Variants in NOS1AP observed in about 807,000 individuals in gnomAD.
NOS1AP encodes the protein nitric oxide synthase 1 adaptor protein.
In NOS1AP, 21 loss-of-function variants were observed where a neutral mutation model predicts 56.2. The ratio of observed to expected loss-of-function variants is 0.37; its 90% confidence interval spans 0.26 to 0.54. The LOEUF (loss-of-function observed/expected upper bound fraction) is 0.54, where lower values mean the gene tolerates loss of function less well. NOS1AP is among the 20% of genes least tolerant of loss of function. The pLI is 0.84. For missense variants in NOS1AP, 522 were observed against 657.8 expected, an observed-to-expected ratio of 0.79 and a Z score of 2.26; for synonymous variants, 270 against 274.6, an observed-to-expected ratio of 0.98 and a Z score of 0.17.
intron 1 of NOS1AP, among the ~76,000 whole-genome samples, chr1:162,098,695 G>T (rs970623184): frequency 6.6e-6 from 1 of 152,048 alleles, no homozygotes; most frequent in Admixed American, 6.5e-5. Context: ...CCTAGTGTGT[G>T]TTTTTCCCCA....
chr1:162,310,722 C>G (rs1655994697), intron 4 of NOS1AP, among the ~76,000 whole-genome samples: 1 of 152,184 alleles, frequency 6.6e-6, no homozygotes, highest in Non-Finnish European at 1.5e-5. Flanking sequence ...CTTATTCATC[C>G]TGGTAGATGA....
chr1:162,213,191 T>C (rs1010573709), intron 2 of NOS1AP, among the ~76,000 whole-genome samples: 20 of 152,184 alleles, frequency 1.3e-4, no homozygotes, highest in Non-Finnish European at 2.9e-5. Flanking sequence ...GAAATGAACG[T>C]ATGAGCATGA....
At chr1:162,312,079 G>A (rs1464069903) in intron 4 of NOS1AP, among the ~76,000 whole-genome samples, 8 of 150,456 alleles carry the variant, frequency 5.3e-5, no homozygotes, top group South Asian at 2.1e-4. Flanking sequence ...ATGATTTATA[G>A]TCCTTTGGGT....
chr1:162,339,049 G>A (rs1028884915), intron 5 of NOS1AP, among the ~76,000 whole-genome samples: 1 of 152,172 alleles, frequency 6.6e-6, no homozygotes, highest in Non-Finnish European at 1.5e-5. Context: ...GAAAAGATGG[G>A]TGGTTTGAAG....
chr1:162,131,998 A>T (rs1648771947), intron 1 of NOS1AP, among the ~76,000 whole-genome samples: 1 of 152,202 alleles, frequency 6.6e-6, no homozygotes, highest in African/African-American at 2.4e-5. Flanking sequence ...ATACTTTGAA[A>T]CTGTAAACTG....
chr1:162,082,127 C>T (rs1427897551), intron 1 of NOS1AP, among the ~76,000 whole-genome samples: 1 of 151,944 alleles, frequency 6.6e-6, no homozygotes, highest in African/African-American at 2.4e-5. Context: ...TGTGGTGTTC[C>T]CCTCTATGTG....
At chr1:162,076,984 C>G (rs1439351866) in intron 1 of NOS1AP, among the ~76,000 whole-genome samples, 1 of 152,138 alleles carries the variant, frequency 6.6e-6, no homozygotes, top group Non-Finnish European at 1.5e-5. Flanking sequence ...TTTGTTCATT[C>G]ATCAGCTGAG....
At chr1:162,242,550 C>G (rs1571155006) in intron 2 of NOS1AP, among the ~76,000 whole-genome samples, 1 of 152,164 alleles carries the variant, frequency 6.6e-6, no homozygotes, top group Non-Finnish European at 1.5e-5. Flanking sequence ...GACGTCCAGA[C>G]CCATCAAAAT....
Position 162,369,307 on chromosome 1 carries a change from A to T in NOS1AP, c.*1840A>T, listed in dbSNP as rs1382043983. On this transcript the variant is annotated 3_prime_UTR_variant, in exon 10 of 10. Coordinates refer to ENST00000361897, the MANE Select transcript of NOS1AP (RefSeq NM_014697.3). ...AATAGGTACAGTTACACAGAGAAGG[A>T]AGAACCAGGAAAGTGAGATCCATGA... The T allele has an allele frequency of 6.6e-6, 1 of 152,226 alleles. No individual in the cohort carries two copies. Among genetic ancestry groups the T allele is most frequent in the Non-Finnish European group, 1.5e-5 (1 of 68,046 alleles). 9.4% of individuals were successfully genotyped at this position (152,226 alleles called of 1,614,324 possible).
chr1:162,210,804 C>G (rs958342242), intron 2 of NOS1AP, among the ~76,000 whole-genome samples: 1 of 152,338 alleles, frequency 6.6e-6, no homozygotes, highest in East Asian at 1.9e-4. Flanking sequence ...ATGGCACTGG[C>G]CTTCCTCTAT....
intron 5 of NOS1AP, 34 bp from the exon 6 acceptor site, chr1:162,343,801 C>T (rs372093318): frequency 1.2e-5 from 20 of 1,613,646 alleles, no homozygotes; most frequent in Non-Finnish European, 1.6e-5. Context: ...TGCGCATCCT[C>T]ACCCATCCTG....
chr1:162,197,955 G>A (rs1651861780), intron 2 of NOS1AP, among the ~76,000 whole-genome samples: 1 of 152,246 alleles, frequency 6.6e-6, no homozygotes, highest in South Asian at 2.1e-4. Context: ...GAGGTATGAG[G>A]AGGGCAGATG....
chr1:162,305,662 A>C (rs1423604314), intron 4 of NOS1AP, among the ~76,000 whole-genome samples: 1 of 152,184 alleles, frequency 6.6e-6, no homozygotes, highest in Admixed American at 6.5e-5. Context: ...GTTTAATAGA[A>C]TATCCCAGAT....
intron 4 of NOS1AP, among the ~76,000 whole-genome samples, chr1:162,302,744 CA>C (rs758026475): frequency 1.3e-5 from 2 of 152,122 alleles, no homozygotes; most frequent in Non-Finnish European, 2.9e-5. Flanking sequence ...AGATGGTGAA[CA>C]TATCTATCAC....
intron 4 of NOS1AP, among the ~76,000 whole-genome samples, chr1:162,319,368 C>T (rs1166795119): frequency 1.3e-5 from 2 of 152,052 alleles, no homozygotes; most frequent in African/African-American, 2.4e-5. Context: ...CCATCCTCCA[C>T]ACCACCATGA....
intron 2 of NOS1AP, among the ~76,000 whole-genome samples, chr1:162,271,946 C>T (rs1654593248): frequency 6.6e-6 from 1 of 152,128 alleles, no homozygotes; most frequent in African/African-American, 2.4e-5. Context: ...AGTGCAGTGG[C>T]ATGGCTCTAT....
rs570575142 is a variant in NOS1AP, at chr1:162,270,985, GC to G, written c.178-16358del. ...TAACTGTATGTACGTTTCAAGAGCAGCTTGGTGGGAGAAGGGAAGCTGGCTG... is the reference window on the plus strand; with the variant it reads ...TAACTGTATGTACGTTTCAAGAGCAGTTGGTGGGAGAAGGGAAGCTGGCTG... On this transcript the variant is annotated intron_variant, in intron 2 of 9. Coordinates refer to ENST00000361897, the MANE Select transcript of NOS1AP (RefSeq NM_014697.3). 6.1e-3 allele frequency among the ~76,000 whole-genome samples: 932 copies of G among 152,306 alleles called. 10 individuals are homozygous for G. Among genetic ancestry groups the G allele is most frequent in the African/African-American group, 0.021 (865 of 41,566 alleles).
intron 8 of NOS1AP, among the ~76,000 whole-genome samples, chr1:162,360,353 G>T (rs1657860389): frequency 6.6e-6 from 1 of 152,216 alleles, no homozygotes; most frequent in African/African-American, 2.4e-5. Flanking sequence ...AAGTTCAAGG[G>T]TGTGAATGAG....
At chr1:162,356,604 G>A (rs371684680) in intron 7 of NOS1AP, among the ~76,000 whole-genome samples, 19 of 152,262 alleles carry the variant, frequency 1.2e-4, no homozygotes, top group East Asian at 5.8e-4. Context: ...TGGAAGCTAC[G>A]TTTTCCTAAA....
Sources: allele counts gnomAD v4.1 joint callset (sites outside exome capture counted in the v4.1 genomes callset), GRCh38; gene constraint gnomAD v4.1.1; transcripts MANE v1.5; gene names NCBI Gene and HGNC (gene_info 2026-07-23, HGNC 2026-07-21).